SLCO6A1: variants seen among roughly 807,000 people sequenced by gnomAD.
SLCO6A1 encodes the protein cancer/testis antigen 48.
SLCO6A1 carries 65 observed loss-of-function variants against 72.7 expected under a neutral mutation model. The observed-to-expected ratio is 0.89, with a 90% CI of 0.73 to 1.10. SLCO6A1 has a LOEUF of 1.10. Among genes scored for constraint, SLCO6A1 ranks in the 50% least tolerant of loss-of-function variants. The pLI is 0.00. For missense variants in SLCO6A1, 874 were observed against 872.6 expected (o/e 1.00, Z -0.02); for synonymous variants, 314 against 298.2 (o/e 1.05, Z -0.55).
rs537469584 is a variant in SLCO6A1, at chr5:102,394,493, A to C, written c.1815-3448T>G. ...GGTTACCTATATCATATTACATACA[A>C]TATCATATTATATGTAGTATACAAT... On this transcript the variant is annotated intron_variant, in intron 10 of 13. Transcript: ENST00000506729. Among the ~76,000 whole-genome samples the C allele has an allele frequency of 3.9e-5, 6 of 152,082 alleles. No homozygotes were observed. The South Asian group carries it at 6.2e-4, about 16-fold the overall frequency.
In SLCO6A1 at chr5:102,388,782, A is replaced by C; in HGVS notation, c.1923T>G (p.Thr641=). 6.2e-7 allele frequency: 1 copy of C among 1,608,832 alleles called. No homozygotes were observed. The highest frequency in any genetic ancestry group is 1.1e-5 in the South Asian group (1 of 89,722). The change falls in exon 12 of 14, where the codon ACT becomes ACG. Residue 641 remains threonine (T), a synonymous_variant. Coordinates refer to ENST00000506729, the MANE Select transcript of SLCO6A1 (RefSeq NM_173488.5). The part of the protein sequence containing the change: ...GPSIFKMSGE[T]SCILRDVNKC... ...TATTAACATCCCGTAAAATACAAGAAGTTTCTCCTGACATTTTAAAGATTG... is the reference window on the plus strand; with the variant it reads ...TATTAACATCCCGTAAAATACAAGACGTTTCTCCTGACATTTTAAAGATTG...
At chr5:102,422,272 G>A (rs1428479703) in intron 7 of SLCO6A1, among the ~76,000 whole-genome samples, 1 of 152,142 alleles carries the variant, frequency 6.6e-6, no homozygotes, top group African/African-American at 2.4e-5. Flanking sequence ...CAAAAAATGA[G>A]TTTCACAAAT....
chr5:102,477,976 T>G (rs1232531869), intron 2 of SLCO6A1, 115 bp from the exon 3 acceptor site: 1 of 946,648 alleles, frequency 1.1e-6, no homozygotes, highest in Non-Finnish European at 1.6e-6. Context: ...CTTTTTTCTT[T>G]TAGTTAACAT....
chr5:102,396,821 T>G (rs1747110375), intron 10 of SLCO6A1, among the ~76,000 whole-genome samples: 1 of 152,186 alleles, frequency 6.6e-6, no homozygotes, highest in African/African-American at 2.4e-5. Context: ...TTCTGGCTGG[T>G]GGGTACTCTG....
intron 12 of SLCO6A1, among the ~76,000 whole-genome samples, chr5:102,376,930 G>C (rs540394363): frequency 6.6e-6 from 1 of 152,114 alleles, no homozygotes; most frequent in South Asian, 2.1e-4. Context: ...CTTGGGAGGC[G>C]AGGCAGGAGG....
At position 102,427,845 on chromosome 5, in the gene SLCO6A1, C is replaced by CATAT. The variant is rs1325179314; in HGVS notation, c.1277-7828_1277-7825dup. Among the ~76,000 whole-genome samples the CATAT allele has an allele frequency of 3.0e-4, 22 of 73,800 alleles. No homozygotes were observed. The East Asian group carries it at 4.1e-3, about 14-fold the overall frequency. The allele number at this position is 73,800 out of a possible 152,430, so 48.4% of individuals were successfully genotyped here. On this transcript the variant is annotated intron_variant, in intron 7 of 13. Transcript: ENST00000506729. ...CCCTCTCTCTGTGTGTGTATGTATA[C>CATAT]ATATATATATATATATATATTTTTT...
intron 6 of SLCO6A1, among the ~76,000 whole-genome samples, chr5:102,458,046 A>T (rs1411651961): frequency 6.6e-6 from 1 of 152,116 alleles, no homozygotes; most frequent in Non-Finnish European, 1.5e-5. Context: ...GTGGGAATTG[A>T]ACAATAAGAA....
intron 7 of SLCO6A1, among the ~76,000 whole-genome samples, chr5:102,425,443 T>C (rs1748841191): frequency 6.6e-6 from 1 of 152,206 alleles, no homozygotes; most frequent in Non-Finnish European, 1.5e-5. Flanking sequence ...AAAATCAATG[T>C]GCAAAAATCA....
chr5:102,374,695 G>T (rs1745683803), intron 12 of SLCO6A1, among the ~76,000 whole-genome samples: 1 of 152,012 alleles, frequency 6.6e-6, no homozygotes, highest in Non-Finnish European at 1.5e-5. Flanking sequence ...ATTTTTAAAT[G>T]GTAGTTATAT....
At position 102,460,961 on chromosome 5, in the gene SLCO6A1, T is replaced by A. The variant is rs1376124772; in HGVS notation, c.900-1184A>T. Among the ~76,000 whole-genome samples the A allele has an allele frequency of 8.4e-5, 6 of 71,542 alleles. 1 individual carries two copies. The East Asian group carries it at 2.2e-3, about 27-fold the overall frequency. The allele number at this position is 71,542 out of a possible 152,430, so 46.9% of individuals were successfully genotyped here. On this transcript the variant is annotated intron_variant, in intron 4 of 13. Coordinates refer to ENST00000506729, the MANE Select transcript of SLCO6A1 (RefSeq NM_173488.5). ...ATATATATATATATATATATCTGCA[T>A]ATGCTACACTCAGGGAGTTTCAATT...
intron 9 of SLCO6A1, among the ~76,000 whole-genome samples, chr5:102,411,270 G>A (rs1402212770): frequency 6.6e-6 from 1 of 151,474 alleles, no homozygotes; most frequent in Admixed American, 6.6e-5. Context: ...TGTGTGTTTT[G>A]TTGTGTTTTT....
intron 6 of SLCO6A1, among the ~76,000 whole-genome samples, chr5:102,450,599 C>T (rs1010161362): frequency 5.9e-5 from 9 of 152,202 alleles, no homozygotes; most frequent in African/African-American, 1.9e-4. Flanking sequence ...TTCCGGGCTG[C>T]GCATCATAGC....
chr5:102,393,489 G>T (rs1746885814), intron 10 of SLCO6A1, among the ~76,000 whole-genome samples: 1 of 152,026 alleles, frequency 6.6e-6, no homozygotes, highest in African/African-American at 2.4e-5. Flanking sequence ...TTCAGGGTTT[G>T]GTTCAAATGT....
chr5:102,491,234 A>G (rs191998134), intron 1 of SLCO6A1, among the ~76,000 whole-genome samples: 12 of 152,320 alleles, frequency 7.9e-5, no homozygotes, highest in Non-Finnish European at 1.2e-4. Context: ...ATCTTGAGCT[A>G]GATACAGAGT....
chr5:102,486,777 A>T (rs1429129810), intron 1 of SLCO6A1, among the ~76,000 whole-genome samples: 1 of 152,122 alleles, frequency 6.6e-6, no homozygotes, highest in Non-Finnish European at 1.5e-5. Flanking sequence ...CTTTACTATG[A>T]TTCTCTACCC....
chr5:102,382,925 G>T (rs1483366515), intron 12 of SLCO6A1, among the ~76,000 whole-genome samples: 1 of 149,152 alleles, frequency 6.7e-6, no homozygotes, highest in Non-Finnish European at 1.5e-5. Context: ...ATATACATGA[G>T]ATATATACGT....
chr5:102,377,626 T>C (rs952153975), intron 12 of SLCO6A1, among the ~76,000 whole-genome samples: 13 of 151,592 alleles, frequency 8.6e-5, no homozygotes, highest in East Asian at 3.9e-4. Flanking sequence ...AAAAAGAGTA[T>C]TGTTTGATAT....
In SLCO6A1 at chr5:102,399,686, A is replaced by G; in HGVS notation, c.1683T>C (p.Gly561=). The G allele has an allele frequency of 6.2e-7, 1 of 1,603,640 alleles. No individual in the cohort carries two copies. The highest frequency in any genetic ancestry group is 8.5e-7 in the Non-Finnish European group (1 of 1,173,222). ...KEGLITADAE[G]DFIDARPGKC... ...TCCCGGGTCTGGCATCAATAAAATC[A>G]CCTTCTGCATCTGCAGTTATTAATC... Residue 561 remains glycine (G), a synonymous_variant, in exon 10 of 14, where the codon GGT becomes GGC. Coordinates refer to ENST00000506729, the MANE Select transcript of SLCO6A1 (RefSeq NM_173488.5).
rs755871346 is a variant in SLCO6A1, at chr5:102,451,906, G to A, written c.1131+6476C>T. Reference sequence around the variant, plus strand: ...TCTCTAATATAGTTTTGAAAATTATGTTATTTAAATAGGATTTATATTGAT... The same window carrying A: ...TCTCTAATATAGTTTTGAAAATTATATTATTTAAATAGGATTTATATTGAT... On this transcript the variant is annotated intron_variant, in intron 6 of 13. Transcript: ENST00000506729. Among the ~76,000 whole-genome samples, 25 of 152,312 alleles carry A rather than the reference G, an allele frequency of 1.6e-4. 1 individual carries two copies. In the South Asian group the frequency reaches 3.9e-3, roughly 24 times the overall value.
Sources: allele counts gnomAD v4.1 joint callset (sites outside exome capture counted in the v4.1 genomes callset), GRCh38; gene constraint gnomAD v4.1.1; transcripts MANE v1.5; gene names NCBI Gene and HGNC (gene_info 2026-07-23, HGNC 2026-07-21).